The following SNRNP200 variants were observed in gnomAD, a reference collection of about 807,000 sequenced individuals.
SNRNP200 encodes U5 small nuclear ribonucleoprotein 200 kDa helicase.
SNRNP200 carries 66 observed loss-of-function variants against 255.2 expected under a neutral mutation model. The observed-to-expected ratio is 0.26, with a 90% confidence interval of 0.21 to 0.32. The LOEUF is 0.32. Among genes scored for constraint, SNRNP200 ranks in the 10% least tolerant of loss-of-function variants. The pLI is 1.00. For synonymous variants in SNRNP200, 939 were observed against 1,027.8 expected (o/e 0.91, Z 1.65); for missense variants, 1,585 against 2,749.8 (o/e 0.58, Z 9.47).
Position 96,285,287 on chromosome 2 carries a change from C to G in SNRNP200, c.4057G>C (p.Gly1353Arg). The G allele has an allele frequency of 6.2e-7, 1 of 1,614,168 alleles. No homozygotes were observed. Among genetic ancestry groups the G allele is most frequent in the Non-Finnish European group, 8.5e-7 (1 of 1,180,038 alleles). Residue 1353 changes from glycine to arginine, a missense_variant, in exon 30 of 45, where the codon GGC becomes CGC. This residue lies in a region of SNRNP200 where 719 missense variants were observed against 1,091.1 expected (regional missense o/e 0.66). Transcript: ENST00000323853. ...TCTGCACAAATAGTCTTCCCGCTGC[C>G]CGTGGGGGCCCCCACAAACACGTTG... ...DDNVFVGAPTGSGKTICAEFA... is the reference protein window; with the variant it reads ...DDNVFVGAPTRSGKTICAEFA...
chr2:96,289,198 C>A (rs879174237), intron 22 of SNRNP200, 29 bp downstream of exon 22: 2 of 1,614,154 alleles, frequency 1.2e-6, no homozygotes, highest in Middle Eastern at 3.3e-4. Flanking sequence ...AGCACCAACT[C>A]CCCGCCCCAT....
chr2:96,299,755 C>A (rs947597323), intron 5 of SNRNP200, among the ~76,000 whole-genome samples: 3 of 152,140 alleles, frequency 2.0e-5, no homozygotes, highest in African/African-American at 7.2e-5. Flanking sequence ...CAGAGGCATG[C>A]CTGGGAAAGC....
Position 96,291,551 on chromosome 2 carries a change from T to C in SNRNP200, c.2311-49A>G. 6.7e-6 allele frequency: 9 copies of C among 1,339,860 alleles called. No individual in the cohort carries two copies. Among genetic ancestry groups the C allele is most frequent in the Non-Finnish European group, 9.7e-6 (9 of 930,796 alleles). 83.0% of individuals were successfully genotyped at this position (1,339,860 alleles called of 1,614,324 possible). A position where few individuals can be genotyped will look rare whatever the true frequency, so the allele number is the denominator to read the frequency against. On this transcript the variant is annotated intron_variant, in intron 17 of 44. Coordinates refer to ENST00000323853, the MANE Select transcript of SNRNP200 (RefSeq NM_014014.5). This position sits in a 1 kb window ranked among gnomAD's most constrained non-coding sequence, Gnocchi z 4.2. Reference sequence around the variant, plus strand: ...GAGGCGAGCCTTCCTGTAGGACTCATCCAAGGACTAAGGAAATCTCCTCCC... The same window carrying C: ...GAGGCGAGCCTTCCTGTAGGACTCACCCAAGGACTAAGGAAATCTCCTCCC...
intron 35 of SNRNP200, among the ~76,000 whole-genome samples, chr2:96,280,770 G>T (rs1020775533): frequency 6.6e-6 from 1 of 150,672 alleles, no homozygotes; most frequent in African/African-American, 2.4e-5. Flanking sequence ...GACTGGTCTC[G>T]AACTCCTGAC....
At chr2:96,303,414 A>G in intron 2 of SNRNP200, 84 bp from the exon 3 acceptor site, 6 of 1,491,408 alleles carry the variant, frequency 4.0e-6, no homozygotes, top group Non-Finnish European at 5.6e-6. Context: ...TCCTCTCCTC[A>G]GCTTCATGGC....
Position 96,283,540 on chromosome 2 carries a change from C to T in SNRNP200, c.4758G>A (p.Arg1586=). 1.2e-6 allele frequency: 2 copies of T among 1,614,106 alleles called. No homozygotes were observed. Among genetic ancestry groups the T allele is most frequent in the Non-Finnish European group, 1.7e-6 (2 of 1,180,030 alleles). ...ILTTCAADIQ[R]QRFLHCTEKD... Reference sequence around the variant, plus strand: ...AGACGCCAGGCCCCACCTACCTCTGCCGTTGGATGTCTGCTGCACAGGTGG... The same window carrying T: ...AGACGCCAGGCCCCACCTACCTCTGTCGTTGGATGTCTGCTGCACAGGTGG... The change falls in exon 33 of 45, where the codon CGG becomes CGA. Residue 1586 remains arginine (R), a synonymous_variant. Coordinates refer to ENST00000323853, the MANE Select transcript of SNRNP200 (RefSeq NM_014014.5). The surrounding 1 kb of genome is among the most constrained non-coding windows in gnomAD (Gnocchi z 4.7).
rs147623218 is a variant in SNRNP200, at chr2:96,292,116, T to C, written c.2161-216A>G. ...AGTTCACAGTCCTGGAGCTGAGAAA[T>C]TAAACCAACTTCAACATCCTATCTT... On this transcript the variant is annotated intron_variant, in intron 16 of 44. Coordinates refer to ENST00000323853, the MANE Select transcript of SNRNP200 (RefSeq NM_014014.5). Among the ~76,000 whole-genome samples the C allele has an allele frequency of 3.8e-3, 577 of 152,306 alleles. 3 individuals carry two copies. The highest frequency in any genetic ancestry group is 5.8e-3 in the Non-Finnish European group (394 of 68,026).
At position 96,301,611 on chromosome 2, in the gene SNRNP200, G is replaced by C. The variant is rs2063952811; in HGVS notation, c.487C>G (p.Gln163Glu). The change falls in exon 4 of 45, where the codon CAA becomes GAA. Residue 163 changes from glutamine to glutamate, a missense_variant. Around this residue, in one of 9 missense-constraint regions of SNRNP200, gnomAD observed 383 missense variants for 645.3 expected, o/e 0.59. Transcript: ENST00000323853. The stretch of plus-strand genomic sequence containing the variant: ...ACATGGTATCTGGTATCATCTGTTT[G>C]ACCCAGCAGCAGGTCAATCTCCTTT... ...RRKEIDLLLG[Q>E]TDDTRYHVLV... 6.2e-7 allele frequency: 1 copy of C among 1,614,022 alleles called. No individual in the cohort carries two copies. The highest frequency in any genetic ancestry group is 1.3e-5 in the African/African-American group (1 of 74,900).
At position 96,287,695 on chromosome 2, in the gene SNRNP200, T is replaced by TG; in HGVS notation, c.3366-139dup. 1 of 914,664 alleles carries TG rather than the reference T, an allele frequency of 1.1e-6. No individual in the cohort carries two copies. 56.7% of individuals were successfully genotyped at this position (914,664 alleles called of 1,614,324 possible). A position where few individuals can be genotyped will look rare whatever the true frequency, so the allele number is the denominator to read the frequency against. On this transcript the variant is annotated intron_variant, in intron 25 of 44. Transcript: ENST00000323853. This position sits in a 1 kb window ranked among gnomAD's most constrained non-coding sequence, Gnocchi z 5.7. ...GCAGACACTGACACTGTGCCAGCCC[T>TG]GGCCTCCACCACAGAGGGCCTTCCC...
chr2:96,296,678 G>C lies in SNRNP200; in HGVS notation c.1529C>G (p.Thr510Ser). The change falls in exon 13 of 45, where the codon ACC becomes AGC. Residue 510 changes from threonine to serine, a missense_variant. Physicochemically the swap from Thr to Ser is moderately conservative, Grantham distance 58. Around this residue, in one of 9 missense-constraint regions of SNRNP200, gnomAD observed 383 missense variants for 645.3 expected, o/e 0.59. Coordinates refer to ENST00000323853, the MANE Select transcript of SNRNP200 (RefSeq NM_014014.5). The stretch of plus-strand genomic sequence containing the variant: ...GAGCATGCACATCAGGGCCACGTTG[G>C]TCTTCCCAGCACCCTACGGGAGAGG... Reference protein sequence around the residue: ...LLCAPTGAGKTNVALMCMLRE... With the variant: ...LLCAPTGAGKSNVALMCMLRE... 1.2e-6 allele frequency: 2 copies of C among 1,614,156 alleles called. No homozygotes were observed. Among genetic ancestry groups the C allele is most frequent in the Non-Finnish European group, 1.7e-6 (2 of 1,180,026 alleles).
rs1684637881 is a variant in SNRNP200, at chr2:96,275,393, T to C, written c.6175-44A>G. The C allele has an allele frequency of 2.0e-6, 3 of 1,519,944 alleles. No homozygotes were observed. In the African/African-American group the frequency reaches 4.1e-5, roughly 21 times the overall value. 94.2% of individuals were successfully genotyped at this position (1,519,944 alleles called of 1,614,324 possible). On this transcript the variant is annotated intron_variant, in intron 43 of 44. Coordinates refer to ENST00000323853, the MANE Select transcript of SNRNP200 (RefSeq NM_014014.5). ...AAGAATTTCAGCATGTAAAACTTGA[T>C]GACCATAGGCAACCATGAAAATGGT... is the stretch of plus-strand genomic sequence containing the variant.
rs200124876 is a variant in SNRNP200, at chr2:96,291,425, G to A, written c.2388C>T (p.Leu796=). The stretch of plus-strand genomic sequence containing the variant: ...GTTTATCAGCAAAAAGATCCTCCAC[G>A]AGTGTTCGGTCAACCCTGGTCATGC... ...HAGMTRVDRT[L]VEDLFADKHI... The change falls in exon 18 of 45, where the codon CTC becomes CTT. Residue 796 remains leucine (L), a synonymous_variant. Coordinates refer to ENST00000323853, the MANE Select transcript of SNRNP200 (RefSeq NM_014014.5). The surrounding 1 kb of genome is among the most constrained non-coding windows in gnomAD (Gnocchi z 4.2). 1.1e-5 allele frequency: 17 copies of A among 1,611,708 alleles called. No homozygotes were observed. The highest frequency in any genetic ancestry group is 4.5e-5 in the East Asian group (2 of 44,866).
At chr2:96,292,845 CATAGCTG>C in intron 16 of SNRNP200, 120 bp downstream of exon 16, 1 of 1,104,478 alleles carries the variant, frequency 9.1e-7, no homozygotes, top group Non-Finnish European at 1.3e-6. Flanking sequence ...TATCCCATTT[CATAGCTG>C]ATATTGGTGA....
intron 3 of SNRNP200, among the ~76,000 whole-genome samples, chr2:96,302,125 T>C (rs2063957513): frequency 6.6e-6 from 1 of 152,240 alleles, no homozygotes; most frequent in Non-Finnish European, 1.5e-5. Context: ...AGATAAACTA[T>C]CTGGATCATA....
intron 43 of SNRNP200, 93 bp downstream of exon 43, chr2:96,276,811 T>G: frequency 8.8e-7 from 1 of 1,133,880 alleles, no homozygotes; most frequent in Non-Finnish European, 1.3e-6. Flanking sequence ...GTCTAAAGTT[T>G]CCCTCCCTCA....
chr2:96,296,753 C>A, intron 12 of SNRNP200, 62 bp from the exon 13 acceptor site: 1 of 1,587,256 alleles, frequency 6.3e-7, no homozygotes. Context: ...GCCCTAACTT[C>A]CATGGGCTTA....
In SNRNP200 at chr2:96,283,861, G is replaced by T; in HGVS notation, c.4536C>A (p.Phe1512Leu). Residue 1512 changes from phenylalanine to leucine, a missense_variant, in exon 32 of 45, where the codon TTC becomes TTA. By Grantham distance (22) the Phe-to-Leu change is conservative. Coordinates refer to ENST00000323853, the MANE Select transcript of SNRNP200 (RefSeq NM_014014.5). This position sits in a 1 kb window ranked among gnomAD's most constrained non-coding sequence, Gnocchi z 4.7. ...CGGGACGCACATTGGGATGGAAGTT[G>T]AAGGTGGAGGTGGCACTGCAGCCCA... The part of the protein sequence containing the change: ...HWLGCSATST[F>L]NFHPNVRPVP... 1 of 1,598,026 alleles carries T rather than the reference G, an allele frequency of 6.3e-7. No homozygotes were observed. The highest frequency in any genetic ancestry group is 8.5e-7 in the Non-Finnish European group (1 of 1,172,148).
At chr2:96,300,016 G>A (rs2063942679) in intron 5 of SNRNP200, among the ~76,000 whole-genome samples, 1 of 152,182 alleles carries the variant, frequency 6.6e-6, no homozygotes, top group African/African-American at 2.4e-5. Flanking sequence ...TTTATAGAAG[G>A]AGAAACTGAA....
At chr2:96,293,945 A>G (rs1277102919) in intron 14 of SNRNP200, among the ~76,000 whole-genome samples, 2 of 152,142 alleles carry the variant, frequency 1.3e-5, no homozygotes, top group South Asian at 2.1e-4. Context: ...TCCCAAAGCC[A>G]GGGGATGTTG....
Sources: gnomAD v4.1 joint callset for allele counts (sites outside exome capture counted in the v4.1 genomes callset) on GRCh38, gnomAD v4.1.1 for gene constraint, gnomAD v4.1.1 regional missense constraint, Gnocchi (gnomAD v3.1) non-coding constraint, MANE v1.5 for transcripts, NCBI Gene and HGNC (gene_info 2026-07-23, HGNC 2026-07-21) for gene names.